The following IFT25 variants were observed in gnomAD, a reference collection of about 807,000 sequenced individuals.
IFT25 encodes intraflagellar transport protein 25 homolog.
At chr1:53,935,032 A>G in the IFT25 span, among the ~76,000 whole-genome samples, 1 of 152,184 alleles carries the variant, frequency 6.6e-6, no homozygotes, top group Non-Finnish European at 1.5e-5. Flanking sequence ...GAAACCAGTC[A>G]CGGCTGGGGG....
chr1:53,923,381 A>G, the IFT25 span, among the ~76,000 whole-genome samples: 2 of 152,236 alleles, frequency 1.3e-5, no homozygotes, highest in Admixed American at 1.3e-4. Context: ...ATGAGGCAGC[A>G]GCTTCCTCAT....
chr1:53,916,216 G>C, the IFT25 span, among the ~76,000 whole-genome samples: 1 of 151,248 alleles, frequency 6.6e-6, no homozygotes, highest in Non-Finnish European at 1.5e-5. Flanking sequence ...GGGTAGTTCA[G>C]CAGTGAAATA....
chr1:53,926,926 T>C, the IFT25 span, among the ~76,000 whole-genome samples: 2 of 152,070 alleles, frequency 1.3e-5, no homozygotes, highest in African/African-American at 2.4e-5. Flanking sequence ...CATCTTGCCA[T>C]GTTTCCTAGG....
the IFT25 span, among the ~76,000 whole-genome samples, chr1:53,917,822 C>T: frequency 2.6e-5 from 4 of 151,614 alleles, no homozygotes; most frequent in Admixed American, 6.6e-5. Context: ...AGAGAAACTC[C>T]GTCTCAAAAA....
At chr1:53,939,784 G>A in the IFT25 span, 1 of 505,200 alleles carries the variant, frequency 2.0e-6, no homozygotes, top group Non-Finnish European at 3.4e-6. Flanking sequence ...TTCAGTTTAG[G>A]CATTATAAAG....
At chr1:53,921,852 GC>G in the IFT25 span, 1 of 791,768 alleles carries the variant, frequency 1.3e-6, no homozygotes, top group East Asian at 2.5e-5. Context: ...ACAGCTTGAT[GC>G]AAGAGTAATA....
the IFT25 span, chr1:53,916,948 C>T: frequency 1.2e-5 from 4 of 338,884 alleles, no homozygotes; most frequent in Non-Finnish European, 2.1e-5. Flanking sequence ...TCGAGACCAG[C>T]CTGGCCAACA....
the IFT25 span, among the ~76,000 whole-genome samples, chr1:53,919,604 T>C: frequency 6.6e-6 from 1 of 152,236 alleles, no homozygotes; most frequent in Admixed American, 6.5e-5. Context: ...ATTGTTGCAT[T>C]AAGCCACTAT....
the IFT25 span, among the ~76,000 whole-genome samples, chr1:53,919,938 C>A: frequency 2.6e-5 from 4 of 152,148 alleles, no homozygotes; most frequent in African/African-American, 9.6e-5. Context: ...TGACTACAGG[C>A]ACGTACCACT....
At chr1:53,931,713 T>C in the IFT25 span, among the ~76,000 whole-genome samples, 1 of 151,214 alleles carries the variant, frequency 6.6e-6, no homozygotes, top group Non-Finnish European at 1.5e-5. Context: ...CTTTCATTCC[T>C]GGTTCTAATA....
the IFT25 span, among the ~76,000 whole-genome samples, chr1:53,920,289 T>C: frequency 6.6e-6 from 1 of 152,174 alleles, no homozygotes; most frequent in Non-Finnish European, 1.5e-5. Context: ...GAGGGTTTTG[T>C]TTTGGTCTTT....
chr1:53,927,278 C>A, the IFT25 span, among the ~76,000 whole-genome samples: 1 of 152,200 alleles, frequency 6.6e-6, no homozygotes, highest in Non-Finnish European at 1.5e-5. Flanking sequence ...CAGAAATGAG[C>A]TGGCCTTTGT....
chr1:53,936,839 G>A, the IFT25 span, among the ~76,000 whole-genome samples: 17 of 151,674 alleles, frequency 1.1e-4, 1 homozygote, highest in Middle Eastern at 0.014. Flanking sequence ...AAACACAAAC[G>A]GCAGAGGAAA....
chr1:53,929,857 C>T, the IFT25 span: 1 of 1,016,466 alleles, frequency 9.8e-7, no homozygotes, highest in Non-Finnish European at 1.3e-6. Context: ...TCATAATCCC[C>T]ATCCTTTCAC....
chr1:53,931,801 T>A, the IFT25 span, among the ~76,000 whole-genome samples: 2 of 152,192 alleles, frequency 1.3e-5, no homozygotes, highest in African/African-American at 4.8e-5. Flanking sequence ...TAATCAACTT[T>A]AGGCTTTATT....
the IFT25 span, chr1:53,946,012 C>G: frequency 6.7e-6 from 1 of 148,882 alleles, no homozygotes; most frequent in African/African-American, 2.5e-5. Flanking sequence ...CCTCCTACCC[C>G]TAGCTCTTAG....
the IFT25 span, among the ~76,000 whole-genome samples, chr1:53,919,201 C>G: frequency 6.6e-5 from 10 of 152,262 alleles, no homozygotes; most frequent in Middle Eastern, 3.4e-3. Flanking sequence ...TCACTCTGAG[C>G]TTGGACACAT....
chr1:53,941,757 G>T, the IFT25 span, among the ~76,000 whole-genome samples: 1 of 152,138 alleles, frequency 6.6e-6, no homozygotes, highest in Non-Finnish European at 1.5e-5. Context: ...TGTAACCAAG[G>T]AAGTACTAAA....
the IFT25 span, among the ~76,000 whole-genome samples, chr1:53,943,716 C>T: frequency 6.6e-6 from 1 of 151,998 alleles, no homozygotes; most frequent in Admixed American, 6.6e-5. Context: ...GTCTGCCTCC[C>T]GGGCTCAAGC....
Sources: allele counts gnomAD v4.1 joint callset (sites outside exome capture counted in the v4.1 genomes callset), GRCh38; gene constraint gnomAD v4.1.1; transcripts MANE v1.5; gene names NCBI Gene and HGNC (gene_info 2026-07-23, HGNC 2026-07-21).